The following DEPDC7 variants were observed in gnomAD, a reference collection of about 807,000 sequenced individuals.
The protein encoded by DEPDC7 is DEP domain containing 7, also known as DEP domain-containing protein 7.
In DEPDC7, 41 loss-of-function variants were observed where a neutral mutation model predicts 56.6. The observed-to-expected ratio is 0.72, with a 90% confidence interval of 0.56 to 0.94. The LOEUF (loss-of-function observed/expected upper bound fraction) is 0.94, where lower values mean the gene tolerates loss of function less well. Among genes scored for constraint, DEPDC7 ranks in the 40% least tolerant of loss-of-function variants. The pLI, the probability that DEPDC7 is intolerant of heterozygous loss-of-function variation, is 0.00. For missense variants in DEPDC7, 522 were observed against 596.3 expected (o/e 0.88, Z 1.30); for synonymous variants, 185 against 208.8 (o/e 0.89, Z 0.98).
chr11:33,024,269 T>G (rs1296887264), intron 1 of DEPDC7, among the ~76,000 whole-genome samples: 2 of 152,246 alleles, frequency 1.3e-5, no homozygotes, highest in African/African-American at 4.8e-5. Context: ...AATCTTGCTT[T>G]CTTCTGTGCG....
intron 8 of DEPDC7, 51 bp downstream of exon 8, chr11:33,033,018 G>T: frequency 7.2e-7 from 1 of 1,389,910 alleles, no homozygotes; most frequent in South Asian, 1.3e-5. Flanking sequence ...AATTTCAGGT[G>T]TTTTTTGAAA....
At chr11:33,031,036 C>A (rs896549165) in intron 4 of DEPDC7, among the ~76,000 whole-genome samples, 10 of 152,184 alleles carry the variant, frequency 6.6e-5, no homozygotes, top group African/African-American at 2.4e-4. Flanking sequence ...CTGCCTGAGG[C>A]CTGAGCAAGT....
In DEPDC7 at chr11:33,025,832, A is replaced by G. The variant is rs910402509; in HGVS notation, c.247A>G (p.Lys83Glu). 1 of 1,614,058 alleles carries G rather than the reference A, an allele frequency of 6.2e-7. No homozygotes were observed. Among genetic ancestry groups the G allele is most frequent in the Non-Finnish European group, 8.5e-7 (1 of 1,180,030 alleles). The change falls in exon 2 of 9, where the codon AAG becomes GAG. Residue 83 changes from lysine to glutamate, a missense_variant. Coordinates refer to ENST00000241051, the MANE Select transcript of DEPDC7 (RefSeq NM_001077242.2). ...CATTTTTTCTCACCTAATTCAGAAT[A>G]AGTATTTTGGTGATGTAGATATTCC... is the stretch of plus-strand genomic sequence containing the variant. ...DVIFSHLIQN[K>E]YFGDVDIPRA...
chr11:33,021,192 A>G (rs1853520289), intron 1 of DEPDC7, among the ~76,000 whole-genome samples: 1 of 151,686 alleles, frequency 6.6e-6, no homozygotes, highest in South Asian at 2.1e-4. Flanking sequence ...TGGAGGTTGC[A>G]GTGAGCCAAG....
In DEPDC7 at chr11:33,031,476, G is replaced by A. The variant is rs370729400; in HGVS notation, c.881G>A (p.Arg294Gln). ...ISRSFPEQPD[R>Q]TDLVKELLFD... is the part of the protein sequence containing the mutation. ...AGAAGCTTTCCTGAGCAACCAGACC[G>A]AACAGACTTAGTGAAAGAACTTCTG... The change falls in exon 5 of 9, where the codon CGA becomes CAA. Residue 294 changes from arginine to glutamine, a missense_variant. Coordinates refer to ENST00000241051, the MANE Select transcript of DEPDC7 (RefSeq NM_001077242.2). The A allele has an allele frequency of 5.0e-6, 8 of 1,614,008 alleles. No homozygotes were observed. Among genetic ancestry groups the A allele is most frequent in the African/African-American group, 2.7e-5 (2 of 74,920 alleles).
chr11:33,032,240 A>G, intron 5 of DEPDC7, 96 bp from the exon 6 acceptor site: 1 of 1,099,180 alleles, frequency 9.1e-7, no homozygotes, highest in South Asian at 1.6e-5. Flanking sequence ...ATTTTGAATA[A>G]GTGCACTTTT....
Position 33,032,419 on chromosome 11 carries a change from A to G in DEPDC7, c.1078A>G (p.Arg360Gly). The change falls in exon 6 of 9, where the codon AGA becomes GGA. Residue 360 changes from arginine to glycine, a missense_variant. Coordinates refer to ENST00000241051, the MANE Select transcript of DEPDC7 (RefSeq NM_001077242.2). Reference protein sequence around the residue: ...LDFQNREEFRRLLYFMAVAAN... With the variant: ...LDFQNREEFRGLLYFMAVAAN... ...TTTCCAAAATAGAGAAGAATTTAGA[A>G]GACTACTGTATTTCATGGCTGTTGC... 6.3e-7 allele frequency: 1 copy of G among 1,580,586 alleles called. No individual in the cohort carries two copies. The highest frequency in any genetic ancestry group is 1.4e-5 in the African/African-American group (1 of 72,490).
chr11:33,017,873 G>A (rs1590205909), intron 1 of DEPDC7, among the ~76,000 whole-genome samples: 1 of 152,114 alleles, frequency 6.6e-6, no homozygotes, highest in Admixed American at 6.5e-5. Flanking sequence ...CTTTTAATAC[G>A]ACAAACAAGA....
rs374663038 is a variant in DEPDC7, at chr11:33,032,714, T to C, written c.1184T>C (p.Val395Ala). ...VVKRIFSKAI[V>A]DNKNLSKGKT... ...AAAAGGATATTCTCAAAAGCTATTG[T>C]TGACAATAAAAATTTATCCAAAGGC... Residue 395 changes from valine to alanine, a missense_variant, in exon 7 of 9, where the codon GTT becomes GCT. Val to Ala is a moderately conservative substitution (Grantham distance 64). Transcript: ENST00000241051. 9.3e-6 allele frequency: 15 copies of C among 1,606,620 alleles called. No homozygotes were observed. The highest frequency in any genetic ancestry group is 2.7e-5 in the African/African-American group (2 of 74,654).
At chr11:33,023,572 C>T (rs1239130668) in intron 1 of DEPDC7, among the ~76,000 whole-genome samples, 1 of 152,046 alleles carries the variant, frequency 6.6e-6, no homozygotes, top group Non-Finnish European at 1.5e-5. Flanking sequence ...CTTGCTTTGT[C>T]GTCCAGGCTG....
At chr11:33,023,257 A>G (rs1174228159) in intron 1 of DEPDC7, among the ~76,000 whole-genome samples, 1 of 152,008 alleles carries the variant, frequency 6.6e-6, no homozygotes, top group Admixed American at 6.6e-5. Context: ...CTTGCTGATC[A>G]TTTTAAACCA....
At chr11:33,026,203 G>A (rs933427582) in intron 2 of DEPDC7, 154 bp downstream of exon 2, 2 of 793,590 alleles carry the variant, frequency 2.5e-6, no homozygotes, top group East Asian at 2.7e-5. Context: ...ATGAAATTTT[G>A]TTAGCTTTAT....
chr11:33,016,160 G>A, intron 1 of DEPDC7, 132 bp downstream of exon 1: 1 of 1,255,342 alleles, frequency 8.0e-7, no homozygotes, highest in South Asian at 3.2e-5. Context: ...GGCGAGCACA[G>A]CACAGCTGCG....
intron 2 of DEPDC7, 143 bp downstream of exon 2, chr11:33,026,192 G>A (rs550128153): frequency 3.4e-5 from 30 of 893,666 alleles, no homozygotes; most frequent in Non-Finnish European, 4.8e-5. Context: ...GATAAAGTGC[G>A]ATGAAATTTT....
At position 33,032,395 on chromosome 11, in the gene DEPDC7, T is replaced by C; in HGVS notation, c.1054T>C (p.Phe352Leu). The C allele has an allele frequency of 1.3e-6, 2 of 1,580,756 alleles. No individual in the cohort carries two copies. The highest frequency in any genetic ancestry group is 1.7e-6 in the Non-Finnish European group (2 of 1,171,578). Residue 352 changes from phenylalanine to leucine, a missense_variant, in exon 6 of 9, where the codon TTC becomes CTC. By Grantham distance (22) the Phe-to-Leu change is conservative (BLOSUM62 0). Coordinates refer to ENST00000241051, the MANE Select transcript of DEPDC7 (RefSeq NM_001077242.2). ...ATQLLLKLLD[F>L]QNREEFRRLL... is the part of the protein sequence containing the mutation. ...CCAGCTCCTTCTAAAGCTTTTAGAT[T>C]TCCAAAATAGAGAAGAATTTAGAAG...
At position 33,033,039 on chromosome 11, in the gene DEPDC7, A is replaced by T. The variant is rs1047322589; in HGVS notation, c.1342+72A>T. The T allele has an allele frequency of 2.4e-6, 3 of 1,267,824 alleles. No homozygotes were observed. In the East Asian group the frequency reaches 7.0e-5, roughly 30 times the overall value. The allele number at this position is 1,267,824 out of a possible 1,614,324, so 78.5% of individuals were successfully genotyped here. On this transcript the variant is annotated intron_variant, in intron 8 of 8. Transcript: ENST00000241051. ...AGGTGTTTTTTGAAAATGTTTTGCT[A>T]TAAGTAGTTGGACTTTAATTTCAAC...
chr11:33,032,677 C>A lies in DEPDC7; in HGVS notation c.1147C>A (p.Arg383=). ...TGTTTTATTTTTATAGAGTGACAAC[C>A]GAATGGTTGTGAAAAGGATATTCTC... is the stretch of plus-strand genomic sequence containing the variant. The part of the protein sequence containing the change: ...EFKLQKESDN[R]MVVKRIFSKA... The change falls in exon 7 of 9, where the codon CGA becomes AGA. Residue 383 remains arginine (R), a synonymous_variant. Transcript: ENST00000241051. The A allele has an allele frequency of 6.3e-7, 1 of 1,581,120 alleles. No homozygotes were observed. Among genetic ancestry groups the A allele is most frequent in the South Asian group, 1.2e-5 (1 of 85,180 alleles).
chr11:33,019,483 C>T (rs1055903878), intron 1 of DEPDC7, among the ~76,000 whole-genome samples: 3 of 151,938 alleles, frequency 2.0e-5, no homozygotes, highest in South Asian at 2.1e-4. Flanking sequence ...CTGGCCAATG[C>T]GACAAAACCC....
At chr11:33,026,293 A>G (rs1853577666) in intron 2 of DEPDC7, 2 of 504,552 alleles carry the variant, frequency 4.0e-6, no homozygotes, top group Non-Finnish European at 7.2e-6. Context: ...TTATAGTTGC[A>G]GTGTAAAAAG....
Sources: allele counts gnomAD v4.1 joint callset (sites outside exome capture counted in the v4.1 genomes callset), GRCh38; gene constraint gnomAD v4.1.1; transcripts MANE v1.5; gene names NCBI Gene and HGNC (gene_info 2026-07-23, HGNC 2026-07-21).